The following PTPRB variants were observed in gnomAD, a reference collection of about 807,000 sequenced individuals.
PTPRB encodes the protein protein tyrosine phosphatase receptor type B.
A neutral mutation model predicts 238.1 loss-of-function variants in PTPRB; 97 were observed. The ratio of observed to expected loss-of-function variants is 0.41; its 90% CI spans 0.35 to 0.48. The LOEUF (loss-of-function observed/expected upper bound fraction) is 0.48, where lower values mean the gene tolerates loss of function less well. Among genes scored for constraint, PTPRB ranks in the 20% least tolerant of loss-of-function variants. PTPRB has a pLI of 0.30. For missense variants in PTPRB, 2,292 were observed against 2,681.9 expected, an observed-to-expected ratio of 0.85 and a Z score of 3.21; for synonymous variants, 970 against 995.4, an observed-to-expected ratio of 0.97 and a Z score of 0.48.
Position 70,559,588 on chromosome 12 carries a change from A to C in PTPRB, c.4469T>G (p.Ile1490Ser). The change falls in exon 18 of 34, where the codon ATT becomes AGT. Residue 1490 changes from isoleucine to serine, a missense_variant. Ile to Ser is a moderately radical substitution (Grantham distance 142, BLOSUM62 -2). Around this residue, in one of 4 missense-constraint regions of PTPRB, gnomAD observed 683 missense variants for 862.0 expected, o/e 0.79. Transcript: ENST00000334414. ...CGTGATGGCCAAGGATGTGTTTGCA[A>C]TGTCAGCAAATGACATAAGACTGGG... ...SPPSLMSFAD[I>S]ANTSLAITWK... 1 of 1,612,848 alleles carries C rather than the reference A, an allele frequency of 6.2e-7. No homozygotes were observed. The highest frequency in any genetic ancestry group is 8.5e-7 in the Non-Finnish European group (1 of 1,178,830).
chr12:70,566,328 G>T, intron 15 of PTPRB, 107 bp downstream of exon 15: 1 of 1,357,306 alleles, frequency 7.4e-7, no homozygotes, highest in Non-Finnish European at 9.9e-7. Flanking sequence ...CGTATCAAGA[G>T]ATAGATATCA....
intron 21 of PTPRB, among the ~76,000 whole-genome samples, chr12:70,547,712 G>A (rs1477560604): frequency 6.6e-6 from 1 of 151,818 alleles, no homozygotes; most frequent in African/African-American, 2.4e-5. Context: ...TTGCCATGTT[G>A]CCCAGGCTAG....
At chr12:70,526,678 CA>C (rs1160390903) in intron 32 of PTPRB, among the ~76,000 whole-genome samples, 2 of 152,132 alleles carry the variant, frequency 1.3e-5, no homozygotes, top group Admixed American at 6.5e-5. Flanking sequence ...TAGTATAAAG[CA>C]GTCTCTTTTT....
rs1261309859 is a variant in PTPRB at position 70,521,318 on chromosome 12, CAAT to C, written c.*168_*170del. The C allele has an allele frequency of 2.1e-6, 1 of 465,322 alleles. No homozygotes were observed. The highest frequency in any genetic ancestry group is 2.0e-5 in the African/African-American group (1 of 50,252). 28.8% of individuals were successfully genotyped at this position (465,322 alleles called of 1,614,324 possible). A position where few individuals can be genotyped will look rare whatever the true frequency, so the allele number is the denominator to read the frequency against. On this transcript the variant is annotated 3_prime_UTR_variant, in exon 34 of 34. Coordinates refer to ENST00000334414, the MANE Select transcript of PTPRB (RefSeq NM_001109754.4). ...AGAAACTACAAAATACAACTATGTA[CAAT>C]AATATCTGTTACCTTTAAATTATAT...
intron 2 of PTPRB, among the ~76,000 whole-genome samples, chr12:70,629,364 T>C (rs1336924057): frequency 6.6e-6 from 1 of 151,972 alleles, no homozygotes; most frequent in African/African-American, 2.4e-5. Context: ...AATAACAAAA[T>C]GAAGGCAGAA....
At chr12:70,528,093 CATTTGGAATTTTGTTTGAGAAA>C (rs1163218773) in intron 32 of PTPRB, among the ~76,000 whole-genome samples, 1 of 152,144 alleles carries the variant, frequency 6.6e-6, no homozygotes, top group East Asian at 1.9e-4. Flanking sequence ...ACCTGGATAG[CATTTGGAATTTTGTTTGAGAAA>C]AAAGGGAGAG....
At chr12:70,599,256 A>T (rs1276269773) in intron 4 of PTPRB, among the ~76,000 whole-genome samples, 1 of 152,170 alleles carries the variant, frequency 6.6e-6, no homozygotes, top group East Asian at 1.9e-4. Context: ...GGAGAAAGAG[A>T]AAATTTTTAA....
At chr12:70,633,767 G>A (rs1885561619) in intron 2 of PTPRB, among the ~76,000 whole-genome samples, 1 of 152,058 alleles carries the variant, frequency 6.6e-6, no homozygotes, top group African/African-American at 2.4e-5. Flanking sequence ...TTGTATGAGG[G>A]TCATAGGAGG....
chr12:70,588,086 ACT>A (rs1438800312), intron 8 of PTPRB, among the ~76,000 whole-genome samples: 3 of 122,708 alleles, frequency 2.4e-5, no homozygotes, highest in East Asian at 2.2e-4. Flanking sequence ...ACAGAGCAAG[ACT>A]CTGTCTCAAA....
At position 70,520,795 on chromosome 12, in the gene PTPRB, C is replaced by T. The variant is rs1285358927; in HGVS notation, c.*694G>A. The stretch of plus-strand genomic sequence containing the variant: ...AATCATTCTCTATCAGAACCCTCAA[C>T]CCTGCATCCTACCATCCTGGGCTTG... On this transcript the variant is annotated 3_prime_UTR_variant, in exon 34 of 34. Transcript: ENST00000334414. 1.3e-5 allele frequency: 2 copies of T among 152,576 alleles called. No individual in the cohort carries two copies. Among genetic ancestry groups the T allele is most frequent in the Non-Finnish European group, 2.9e-5 (2 of 68,364 alleles). 9.5% of individuals were successfully genotyped at this position (152,576 alleles called of 1,614,324 possible).
At chr12:70,592,952 T>C (rs1025986376) in intron 6 of PTPRB, among the ~76,000 whole-genome samples, 10 of 152,232 alleles carry the variant, frequency 6.6e-5, no homozygotes, top group African/African-American at 1.9e-4. Context: ...TCAGAAATTC[T>C]TTAAGTGGAA....
chr12:70,578,513 TTCTC>T (rs1284529147), intron 10 of PTPRB, among the ~76,000 whole-genome samples: 2 of 152,188 alleles, frequency 1.3e-5, no homozygotes, highest in African/African-American at 2.4e-5. Context: ...TCATATTTGA[TTCTC>T]TCCTCAAAAC....
At chr12:70,544,769 G>A in intron 21 of PTPRB, 106 bp from the exon 22 acceptor site, 1 of 632,954 alleles carries the variant, frequency 1.6e-6, no homozygotes, top group Non-Finnish European at 2.6e-6. Flanking sequence ...GTGGGTAGCA[G>A]GGTAGAATAT....
At chr12:70,607,094 G>C (rs1479150762) in intron 4 of PTPRB, among the ~76,000 whole-genome samples, 2 of 152,200 alleles carry the variant, frequency 1.3e-5, no homozygotes, top group Non-Finnish European at 2.9e-5. Context: ...TTTCAGAAAT[G>C]CCTCTGGACT....
chr12:70,543,304 C>A (rs1296477324), intron 22 of PTPRB, among the ~76,000 whole-genome samples: 1 of 152,090 alleles, frequency 6.6e-6, no homozygotes, highest in Admixed American at 6.5e-5. Flanking sequence ...TTGTTTGTTC[C>A]ATGTTGCTTT....
intron 3 of PTPRB, among the ~76,000 whole-genome samples, chr12:70,620,584 G>T (rs1048095627): frequency 1.3e-5 from 2 of 152,044 alleles, no homozygotes; most frequent in Non-Finnish European, 2.9e-5. Flanking sequence ...ACTGATGTTA[G>T]AATGGAAGTT....
intron 33 of PTPRB, among the ~76,000 whole-genome samples, chr12:70,523,409 T>G (rs1302375018): frequency 6.6e-6 from 1 of 152,128 alleles, no homozygotes; most frequent in East Asian, 1.9e-4. Flanking sequence ...TAATTTTTTT[T>G]TTGTTTTGTA....
chr12:70,609,903 C>G, intron 3 of PTPRB: 1 of 1,252,998 alleles, frequency 8.0e-7, no homozygotes, highest in South Asian at 1.8e-5. Context: ...CTGTTGCGCG[C>G]GCTCAGCGCG....
At chr12:70,523,899 T>G (rs1467036067) in intron 33 of PTPRB, among the ~76,000 whole-genome samples, 2 of 151,978 alleles carry the variant, frequency 1.3e-5, no homozygotes, top group African/African-American at 4.8e-5. Context: ...CACTGCAACT[T>G]CTACCTCCCA....
Sources: gnomAD v4.1 joint callset for allele counts (sites outside exome capture counted in the v4.1 genomes callset) on GRCh38, gnomAD v4.1.1 for gene constraint, gnomAD v4.1.1 regional missense constraint, MANE v1.5 for transcripts, NCBI Gene and HGNC (gene_info 2026-07-23, HGNC 2026-07-21) for gene names.